The following SLIT3 variants were observed in gnomAD, a reference collection of about 807,000 sequenced individuals.
SLIT3 encodes slit homolog 3 protein.
Under a neutral mutation model 184.0 loss-of-function variants are expected in SLIT3, and 68 were observed. The ratio of observed to expected loss-of-function variants is 0.37; its 90% confidence interval spans 0.30 to 0.45. The LOEUF is 0.45. Among genes scored for constraint, SLIT3 ranks in the 20% least tolerant of loss-of-function variants. The pLI is 1.00. For synonymous variants in SLIT3, 831 were observed against 828.6 expected, an observed-to-expected ratio of 1.00 and a Z score of -0.05; for missense variants, 1,707 against 2,026.0, an observed-to-expected ratio of 0.84 and a Z score of 3.02.
At chr5:168,957,171 G>T (rs1238264992) in intron 4 of SLIT3, among the ~76,000 whole-genome samples, 1 of 150,798 alleles carries the variant, frequency 6.6e-6, no homozygotes, top group Non-Finnish European at 1.5e-5. Context: ...AGAGGTTGCA[G>T]TGACCTGAGA....
intron 4 of SLIT3, among the ~76,000 whole-genome samples, chr5:168,930,823 C>T (rs551522595): frequency 6.6e-6 from 1 of 152,140 alleles, no homozygotes; most frequent in East Asian, 1.9e-4. Context: ...GCCTGATCCA[C>T]CCAGGACACT....
At chr5:168,746,432 GT>G (rs1443887573) in intron 20 of SLIT3, among the ~76,000 whole-genome samples, 4 of 76,138 alleles carry the variant, frequency 5.3e-5, no homozygotes, top group Admixed American at 1.5e-4. Flanking sequence ...GTGGTGGTGT[GT>G]GGTGGTGTGG....
At chr5:168,984,959 G>T (rs1412760269) in intron 4 of SLIT3, among the ~76,000 whole-genome samples, 1 of 152,180 alleles carries the variant, frequency 6.6e-6, no homozygotes, top group Non-Finnish European at 1.5e-5. Flanking sequence ...ACTTTGAGAA[G>T]TAATGATCCA....
intron 1 of SLIT3, among the ~76,000 whole-genome samples, chr5:169,253,877 T>C (rs1212400390): frequency 1.3e-5 from 2 of 152,100 alleles, no homozygotes; most frequent in African/African-American, 4.8e-5. Flanking sequence ...CCAAGGGTAC[T>C]CCCCCAGCCC....
intron 5 of SLIT3, among the ~76,000 whole-genome samples, chr5:168,851,649 G>C (rs1296656417): frequency 6.6e-6 from 1 of 152,014 alleles, no homozygotes; most frequent in African/African-American, 2.4e-5. Context: ...TTTATACCTC[G>C]GTGGCCCAAC....
chr5:169,103,590 TTCCC>T (rs1760096420), intron 4 of SLIT3, among the ~76,000 whole-genome samples: 1 of 152,216 alleles, frequency 6.6e-6, no homozygotes, highest in South Asian at 2.1e-4. Context: ...AGGGATTAAG[TTCCC>T]TGTCTCAAAG....
intron 7 of SLIT3, among the ~76,000 whole-genome samples, chr5:168,821,673 A>G (rs1757538597): frequency 6.6e-6 from 1 of 152,210 alleles, no homozygotes; most frequent in Non-Finnish European, 1.5e-5. Flanking sequence ...TCAGATTATT[A>G]TTCTTTATAA....
Position 168,666,577 on chromosome 5 carries a change from C to T in SLIT3, c.4449G>A (p.Gly1483=), listed in dbSNP as rs764295183. ...VPIMECRGGC[G]PQCCQPTRSK... ...TGCGGGTGGGCTGGCAGCACTGGGG[C>T]CCACAGCCCCCACGACATTCCATGA... Residue 1483 remains glycine (G), a synonymous_variant, in exon 36 of 36, where the codon GGG becomes GGA. Transcript: ENST00000519560. 11 of 1,614,102 alleles carry T rather than the reference C, an allele frequency of 6.8e-6. No individual in the cohort carries two copies. In the South Asian group the frequency reaches 8.8e-5, roughly 13 times the overall value.
At position 168,961,851 on chromosome 5, in the gene SLIT3, T is replaced by A. The variant is rs1763019745; in HGVS notation, c.414-78515A>T. ...AATACTATACTATTTCAGGCATGCATGCACGCATGTGTGTGTGTGTGTGTG... is the reference window on the plus strand; with the variant it reads ...AATACTATACTATTTCAGGCATGCAAGCACGCATGTGTGTGTGTGTGTGTG... On this transcript the variant is annotated intron_variant, in intron 4 of 35. Coordinates refer to ENST00000519560, the MANE Select transcript of SLIT3 (RefSeq NM_003062.4). Among the ~76,000 whole-genome samples the A allele has an allele frequency of 5.2e-5, 7 of 133,484 alleles. No homozygotes were observed. The Admixed American group carries it at 5.3e-4, about 10-fold the overall frequency. The allele number at this position is 133,484 out of a possible 152,430, so 87.6% of individuals were successfully genotyped here. A position where few individuals can be genotyped will look rare whatever the true frequency, so the allele number is the denominator to read the frequency against.
At chr5:169,061,451 G>T (rs997022918) in intron 4 of SLIT3, among the ~76,000 whole-genome samples, 1 of 152,176 alleles carries the variant, frequency 6.6e-6, no homozygotes, top group South Asian at 2.1e-4. Flanking sequence ...GCTATTCTTA[G>T]GCAGAGGCCC....
At chr5:169,269,180 C>T (rs912617278) in intron 1 of SLIT3, among the ~76,000 whole-genome samples, 2 of 152,212 alleles carry the variant, frequency 1.3e-5, no homozygotes, top group Non-Finnish European at 2.9e-5. Flanking sequence ...TGTGGGGGTT[C>T]ACCTTCATGT....
chr5:168,809,400 C>A (rs575664095), intron 8 of SLIT3, among the ~76,000 whole-genome samples: 1 of 152,318 alleles, frequency 6.6e-6, no homozygotes, highest in East Asian at 1.9e-4. Context: ...CCTCTGATAG[C>A]ACCCTGGGCT....
intron 4 of SLIT3, among the ~76,000 whole-genome samples, chr5:168,972,189 T>C (rs1206683861): frequency 1.3e-5 from 2 of 151,836 alleles, no homozygotes; most frequent in African/African-American, 4.8e-5. Context: ...GTCCTCCCAG[T>C]GGACTGGGGA....
At chr5:168,955,795 G>A (rs1280905307) in intron 4 of SLIT3, among the ~76,000 whole-genome samples, 1 of 152,238 alleles carries the variant, frequency 6.6e-6, no homozygotes, top group Non-Finnish European at 1.5e-5. Context: ...TACCCACAGG[G>A]AGGAGATCTC....
intron 6 of SLIT3, among the ~76,000 whole-genome samples, chr5:168,826,310 G>A (rs1337705320): frequency 6.6e-6 from 1 of 152,218 alleles, no homozygotes; most frequent in African/African-American, 2.4e-5. Flanking sequence ...GCCCGGGGAT[G>A]TCAGAGGGTT....
chr5:168,768,085 T>C, intron 14 of SLIT3: 1 of 410,980 alleles, frequency 2.4e-6, no homozygotes, highest in Admixed American at 2.6e-5. Flanking sequence ...GGTGGTGGGC[T>C]GCGGTGCTCC....
At chr5:169,291,302 T>C (rs1248589890) in intron 1 of SLIT3, among the ~76,000 whole-genome samples, 1 of 152,050 alleles carries the variant, frequency 6.6e-6, no homozygotes, top group Non-Finnish European at 1.5e-5. Context: ...AGGCGGAAAA[T>C]ATTATTCAGC....
At chr5:168,755,447 T>TTCTTTCTTTC (rs1554138542) in intron 16 of SLIT3, among the ~76,000 whole-genome samples, 5 of 107,922 alleles carry the variant, frequency 4.6e-5, no homozygotes, top group East Asian at 3.1e-4. Flanking sequence ...CTTTCTTTCT[T>TTCTTTCTTTC]TTTGAGACAG....
intron 5 of SLIT3, among the ~76,000 whole-genome samples, chr5:168,853,859 CCT>C (rs1301625342): frequency 6.6e-6 from 1 of 152,168 alleles, no homozygotes; most frequent in Non-Finnish European, 1.5e-5. Flanking sequence ...TGCCCCCTAC[CCT>C]GTTTGTGAAA....
Sources: gnomAD v4.1 joint callset for allele counts (sites outside exome capture counted in the v4.1 genomes callset) on GRCh38, gnomAD v4.1.1 for gene constraint, MANE v1.5 for transcripts, NCBI Gene and HGNC (gene_info 2026-07-23, HGNC 2026-07-21) for gene names.